Variants in LMO7 observed in about 807,000 individuals in gnomAD.
The protein encoded by LMO7 is LIM domain 7.
Under a neutral mutation model 206.5 loss-of-function variants are expected in LMO7, and 120 were observed. That is an observed-to-expected ratio of 0.58 (90% CI 0.50 to 0.68). The LOEUF is 0.68. Ranked by LOEUF, LMO7 falls within the 30% of genes least tolerant of loss-of-function variation. The pLI is 0.00. For synonymous variants in LMO7, 706 were observed against 681.5 expected (o/e 1.04, Z -0.56); for missense variants, 1,959 against 1,957.9 (o/e 1.00, Z -0.01).
At chr13:75,854,726 GCA>G (rs2060779848) in intron 28 of LMO7, among the ~76,000 whole-genome samples, 1 of 152,112 alleles carries the variant, frequency 6.6e-6, no homozygotes, top group Admixed American at 6.5e-5. Flanking sequence ...TAAGTCAGAG[GCA>G]CAGTCAGGAA....
At position 75,801,619 on chromosome 13, in the gene LMO7, C is replaced by T. The variant is rs186533540; in HGVS notation, c.661+737C>T. On this transcript the variant is annotated intron_variant, in intron 7 of 30. Transcript: ENST00000377534. ...TTCCTGTGGCTACTGGGTATAGCGT[C>T]AGCAATTTCTGAGTGTACATCTCCA... Among the ~76,000 whole-genome samples the T allele has an allele frequency of 2.0e-5, 3 of 152,286 alleles. No homozygotes were observed. The East Asian group carries it at 5.8e-4, about 29-fold the overall frequency.
At chr13:75,632,292 T>C (rs2035047981), upstream of LMO7, among the ~76,000 whole-genome samples, 2 of 152,132 alleles carry the variant, frequency 1.3e-5, no homozygotes, top group South Asian at 4.1e-4. Context: ...CTTTCAACAT[T>C]AAAGAGGCCA....
At chr13:75,745,535 T>G (rs2046768077) in intron 3 of LMO7, among the ~76,000 whole-genome samples, 1 of 152,198 alleles carries the variant, frequency 6.6e-6, no homozygotes, top group South Asian at 2.1e-4. Context: ...TTATGATGGT[T>G]AATCGTATGT....
At chr13:75,669,441 C>T (rs2039356882) in intron 1 of LMO7, among the ~76,000 whole-genome samples, 1 of 152,134 alleles carries the variant, frequency 6.6e-6, no homozygotes, top group African/African-American at 2.4e-5. Flanking sequence ...AGAGCAATCT[C>T]AGAGTGAAGG....
At position 75,833,245 on chromosome 13, in the gene LMO7, G is replaced by C. The variant is rs935956381; in HGVS notation, c.3064+80G>C. 8.2e-6 allele frequency: 7 copies of C among 856,166 alleles called. No homozygotes were observed. In the African/African-American group the frequency reaches 1.2e-4, roughly 14 times the overall value. The allele number at this position is 856,166 out of a possible 1,614,324, so 53.0% of individuals were successfully genotyped here. On this transcript the variant is annotated intron_variant, in intron 16 of 30. Coordinates refer to ENST00000377534, the MANE Select transcript of LMO7 (RefSeq NM_001306080.2). Reference sequence around the variant, plus strand: ...GTGGGGTTGGGGACCACAGAAATTAGTGTATTTGATATAGGAGGAGAAAAC... The same window carrying C: ...GTGGGGTTGGGGACCACAGAAATTACTGTATTTGATATAGGAGGAGAAAAC...
chr13:75,811,615 T>G (rs911665931), intron 11 of LMO7, among the ~76,000 whole-genome samples: 2 of 152,240 alleles, frequency 1.3e-5, no homozygotes, highest in African/African-American at 4.8e-5. Flanking sequence ...TCTTTTGAAG[T>G]CTGAGACTGT....
At chr13:75,717,005 G>GTC (rs1428516300) in intron 2 of LMO7, among the ~76,000 whole-genome samples, 2 of 150,888 alleles carry the variant, frequency 1.3e-5, no homozygotes, top group East Asian at 3.9e-4. Context: ...ATGATCCCAA[G>GTC]TCTCTGCCAC....
intron 7 of LMO7, among the ~76,000 whole-genome samples, chr13:75,803,158 G>A (rs368365207): frequency 3.9e-5 from 6 of 152,132 alleles, no homozygotes; most frequent in Admixed American, 1.3e-4. Context: ...TCACAGCTGC[G>A]TTTACTTTCC....
rs564894883 is a variant in LMO7 at position 75,756,715 on chromosome 13, G to C, written c.211-4217G>C. Among the ~76,000 whole-genome samples, 41 of 152,176 alleles carry C rather than the reference G, an allele frequency of 2.7e-4. 1 individual carries two copies. The South Asian group carries it at 8.3e-3, about 31-fold the overall frequency. On this transcript the variant is annotated intron_variant, in intron 3 of 30. Coordinates refer to ENST00000377534, the MANE Select transcript of LMO7 (RefSeq NM_001306080.2). ...TTGGGAGTGTGGGAGCAGGTAACTT[G>C]TCTTAGTTCACTGACATTCAAGTTG...
At chr13:75,737,777 T>TAAAAAAAA (rs1391839155) in intron 3 of LMO7, among the ~76,000 whole-genome samples, 1 of 22,700 alleles carries the variant, frequency 4.4e-5, no homozygotes, top group African/African-American at 2.2e-4. Context: ...TAAAATAAAA[T>TAAAAAAAA]AAAATAAAAA....
In LMO7 at chr13:75,773,504, A is replaced by G. The variant is rs531672927; in HGVS notation, c.317+12466A>G. 4.6e-5 allele frequency among the ~76,000 whole-genome samples: 7 copies of G among 152,320 alleles called. No homozygotes were observed. In the East Asian group the frequency reaches 5.8e-4, roughly 13 times the overall value. Reference sequence around the variant, plus strand: ...AGAGGTAAGGTAATTACGGCAGTCAATGAGTGTGGTGATAGGGAAGCCAAC... The same window carrying G: ...AGAGGTAAGGTAATTACGGCAGTCAGTGAGTGTGGTGATAGGGAAGCCAAC... On this transcript the variant is annotated intron_variant, in intron 4 of 30. Coordinates refer to ENST00000377534, the MANE Select transcript of LMO7 (RefSeq NM_001306080.2).
chr13:75,819,344 G>A, intron 12 of LMO7, 49 bp from the exon 13 acceptor site: 1 of 1,537,778 alleles, frequency 6.5e-7, no homozygotes, highest in Non-Finnish European at 8.7e-7. Flanking sequence ...TGCTAGAAAG[G>A]GTGTATAGAA....
intron 6 of LMO7, 94 bp from the exon 7 acceptor site, chr13:75,800,590 A>T: frequency 8.6e-7 from 1 of 1,166,962 alleles, no homozygotes; most frequent in South Asian, 1.4e-5. Context: ...ATAAAACCCA[A>T]CTTAAATTAG....
chr13:75,717,475 C>A (rs1422180435), intron 2 of LMO7, among the ~76,000 whole-genome samples: 1 of 151,814 alleles, frequency 6.6e-6, no homozygotes, highest in East Asian at 1.9e-4. Flanking sequence ...AGATATTCAC[C>A]CCTATCGGTG....
chr13:75,752,878 G>C (rs557453786), intron 3 of LMO7, among the ~76,000 whole-genome samples: 2 of 152,266 alleles, frequency 1.3e-5, no homozygotes, highest in East Asian at 3.9e-4. Context: ...ATTGTGAATA[G>C]TGCTGCAGAA....
intron 1 of LMO7, among the ~76,000 whole-genome samples, chr13:75,651,913 T>C (rs974970947): frequency 6.6e-6 from 1 of 152,144 alleles, no homozygotes; most frequent in African/African-American, 2.4e-5. Flanking sequence ...TTCTACTTAC[T>C]TGTCATTGGT....
chr13:75,831,441 C>A (rs1168314127), intron 15 of LMO7, among the ~76,000 whole-genome samples: 1 of 152,098 alleles, frequency 6.6e-6, no homozygotes, highest in East Asian at 1.9e-4. Context: ...TATTTAGTGC[C>A]TTCCTTCAAA....
Position 75,804,467 on chromosome 13 carries a change from G to A in LMO7, c.840G>A (p.Lys280=). 1 of 1,614,188 alleles carries A rather than the reference G, an allele frequency of 6.2e-7. No homozygotes were observed. The highest frequency in any genetic ancestry group is 2.2e-5 in the East Asian group (1 of 44,878). Reference sequence around the variant, plus strand: ...TACCAGCACCTCTGAGAAAGAAAAAGCCAGACAAACATGAGGATAACAGAA... The same window carrying A: ...TACCAGCACCTCTGAGAAAGAAAAAACCAGACAAACATGAGGATAACAGAA... ...SYVPAPLRKK[K]PDKHEDNRRS... Residue 280 remains lysine, a synonymous_variant, in exon 8 of 31, where the codon AAG becomes AAA. Coordinates refer to ENST00000377534, the MANE Select transcript of LMO7 (RefSeq NM_001306080.2).
intron 1 of LMO7, among the ~76,000 whole-genome samples, chr13:75,708,668 A>G (rs2042837904): frequency 6.6e-6 from 1 of 152,208 alleles, no homozygotes; most frequent in South Asian, 2.1e-4. Flanking sequence ...CAATTTGGGG[A>G]AAATTCAAAA....
Sources: gnomAD v4.1 joint callset for allele counts (sites outside exome capture counted in the v4.1 genomes callset) on GRCh38, gnomAD v4.1.1 for gene constraint, MANE v1.5 for transcripts, NCBI Gene and HGNC (gene_info 2026-07-23, HGNC 2026-07-21) for gene names.